PLXDC2: variants seen among roughly 807,000 people sequenced by gnomAD.
PLXDC2 encodes the protein plexin domain containing 2.
A neutral mutation model predicts 68.9 loss-of-function variants in PLXDC2; 40 were observed. That is an observed-to-expected ratio of 0.58 (90% CI 0.45 to 0.76). The LOEUF is 0.76. PLXDC2 is among the 30% of genes least tolerant of loss of function. The probability of loss-of-function intolerance (pLI) is 0.00; values close to 1 mark genes in which losing one functional copy is unlikely to be tolerated. For missense variants in PLXDC2, 644 were observed against 661.9 expected, an observed-to-expected ratio of 0.97 and a Z score of 0.30; for synonymous variants, 243 against 234.2, an observed-to-expected ratio of 1.04 and a Z score of -0.34.
intron 9 of PLXDC2, among the ~76,000 whole-genome samples, chr10:20,194,891 G>A (rs945346843): frequency 6.7e-6 from 1 of 149,036 alleles, no homozygotes; most frequent in Non-Finnish European, 1.5e-5. Flanking sequence ...CTATTATGTG[G>A]CATTATACTC....
chr10:20,049,988 G>A (rs1028428466), intron 3 of PLXDC2, among the ~76,000 whole-genome samples: 5 of 152,140 alleles, frequency 3.3e-5, no homozygotes, highest in African/African-American at 9.7e-5. Flanking sequence ...AACCAAAACA[G>A]CATGTTACTG....
chr10:19,965,382 C>A (rs753855584), intron 1 of PLXDC2, among the ~76,000 whole-genome samples: 1 of 152,052 alleles, frequency 6.6e-6, no homozygotes, highest in Non-Finnish European at 1.5e-5. Context: ...TTTTTGGTGG[C>A]GGTAGGTACT....
At chr10:20,058,961 G>A (rs1246886085) in intron 3 of PLXDC2, among the ~76,000 whole-genome samples, 1 of 152,138 alleles carries the variant, frequency 6.6e-6, no homozygotes, top group Non-Finnish European at 1.5e-5. Flanking sequence ...TGGTTTTGGA[G>A]TTTCAAAGGC....
At chr10:20,108,583 T>A (rs1202982703) in intron 4 of PLXDC2, among the ~76,000 whole-genome samples, 1 of 152,130 alleles carries the variant, frequency 6.6e-6, no homozygotes, top group Non-Finnish European at 1.5e-5. Flanking sequence ...TAAGGTAAAA[T>A]CATATAATGG....
intron 1 of PLXDC2, among the ~76,000 whole-genome samples, chr10:19,819,611 G>A (rs77788599): frequency 0.015 from 2,353 of 152,286 alleles, 62 homozygotes; most frequent in African/African-American, 0.053. Context: ...TTTAGTAAAT[G>A]CTGCAGTTGA....
intron 1 of PLXDC2, among the ~76,000 whole-genome samples, chr10:19,821,404 G>A (rs180777737): frequency 6.6e-6 from 1 of 152,328 alleles, no homozygotes; most frequent in African/African-American, 2.4e-5. Context: ...AGGACGTGTT[G>A]TCTTAGAATT....
In PLXDC2 at chr10:19,816,743, A is replaced by C; in HGVS notation, c.-337A>C. 1 of 418,236 alleles carries C rather than the reference A, an allele frequency of 2.4e-6. No homozygotes were observed. The highest frequency in any genetic ancestry group is 4.7e-5 in the East Asian group (1 of 21,394). The allele number at this position is 418,236 out of a possible 1,614,324, so 25.9% of individuals were successfully genotyped here. Reference sequence around the variant, plus strand: ...GGCTCGGAAGTCACCGTCCGCGGGCACCGGGTTGGCGCTGCCCGAGTGGAA... The same window carrying C: ...GGCTCGGAAGTCACCGTCCGCGGGCCCCGGGTTGGCGCTGCCCGAGTGGAA... On this transcript the variant is annotated 5_prime_UTR_variant, in exon 1 of 14. Coordinates refer to ENST00000377252, the MANE Select transcript of PLXDC2 (RefSeq NM_032812.9).
intron 2 of PLXDC2, among the ~76,000 whole-genome samples, chr10:20,045,076 A>G (rs934012788): frequency 1.3e-5 from 2 of 152,118 alleles, no homozygotes; most frequent in Non-Finnish European, 2.9e-5. Flanking sequence ...CTTTCTTTAC[A>G]TCTACTTTGT....
At chr10:19,840,390 T>C (rs530629907) in intron 1 of PLXDC2, among the ~76,000 whole-genome samples, 48 of 152,274 alleles carry the variant, frequency 3.2e-4, no homozygotes, top group African/African-American at 1.1e-3. Flanking sequence ...GTCCAATCTC[T>C]TCATTTTACA....
rs570399873 is a variant in PLXDC2, at chr10:20,092,828, T to C, written c.541+24589T>C. Among the ~76,000 whole-genome samples, 4 of 151,940 alleles carry C rather than the reference T, an allele frequency of 2.6e-5. No individual in the cohort carries two copies. The South Asian group carries it at 8.3e-4, about 32-fold the overall frequency. On this transcript the variant is annotated intron_variant, in intron 4 of 13. Coordinates refer to ENST00000377252, the MANE Select transcript of PLXDC2 (RefSeq NM_032812.9). Reference sequence around the variant, plus strand: ...TTACAAGCAGAACAAGAGGAAGCAATGCAACCACGGGGAAAGAGATCAGAG... The same window carrying C: ...TTACAAGCAGAACAAGAGGAAGCAACGCAACCACGGGGAAAGAGATCAGAG...
intron 4 of PLXDC2, among the ~76,000 whole-genome samples, chr10:20,072,400 GAAGA>G (rs1275164465): frequency 3.0e-5 from 4 of 131,962 alleles, no homozygotes; most frequent in South Asian, 2.5e-4. Context: ...AGGAAAGAAA[GAAGA>G]AAGAAAGAGG....
chr10:19,874,990 C>T (rs1047512143), intron 1 of PLXDC2, among the ~76,000 whole-genome samples: 1 of 152,122 alleles, frequency 6.6e-6, no homozygotes, highest in Non-Finnish European at 1.5e-5. Context: ...TAGAGGAAAC[C>T]TCGTCATGGG....
At chr10:20,125,695 C>G (rs768922117) in intron 4 of PLXDC2, among the ~76,000 whole-genome samples, 1 of 151,972 alleles carries the variant, frequency 6.6e-6, no homozygotes, top group African/African-American at 2.4e-5. Context: ...GTGCAATGCT[C>G]CTTATATTTG....
At chr10:20,209,336 T>A (rs1299424964) in intron 9 of PLXDC2, among the ~76,000 whole-genome samples, 2 of 101,342 alleles carry the variant, frequency 2.0e-5, no homozygotes, top group African/African-American at 5.9e-5. Flanking sequence ...AGGAAAACAA[T>A]GAGAACCTGT....
At position 20,283,104 on chromosome 10, in the gene PLXDC2, C is replaced by T. The variant is rs183641605; in HGVS notation, c.*3285C>T. On this transcript the variant is annotated 3_prime_UTR_variant, in exon 14 of 14. Coordinates refer to ENST00000377252, the MANE Select transcript of PLXDC2 (RefSeq NM_032812.9). The stretch of plus-strand genomic sequence containing the variant: ...GACAATGCTGTGTTTCATTTGAATT[C>T]GTTGTCCTTGAAGAAAAGGGAAGAA... The T allele has an allele frequency of 6.6e-5, 10 of 152,188 alleles. No homozygotes were observed. Among genetic ancestry groups the T allele is most frequent in the East Asian group, 3.9e-4 (2 of 5,174 alleles). 9.4% of individuals were successfully genotyped at this position (152,188 alleles called of 1,614,324 possible). A position where few individuals can be genotyped will look rare whatever the true frequency, so the allele number is the denominator to read the frequency against.
chr10:19,957,930 C>T (rs1834097328), intron 1 of PLXDC2, among the ~76,000 whole-genome samples: 1 of 151,998 alleles, frequency 6.6e-6, no homozygotes, highest in Non-Finnish European at 1.5e-5. Context: ...TTAGGTGCTA[C>T]CAGAAAGATT....
intron 4 of PLXDC2, among the ~76,000 whole-genome samples, chr10:20,083,975 A>G (rs1424338730): frequency 6.6e-6 from 1 of 152,238 alleles, no homozygotes; most frequent in Non-Finnish European, 1.5e-5. Flanking sequence ...TAATTAACCA[A>G]TACATATTTT....
chr10:19,947,383 C>T (rs912893558), intron 1 of PLXDC2, among the ~76,000 whole-genome samples: 16 of 152,178 alleles, frequency 1.1e-4, no homozygotes, highest in African/African-American at 3.6e-4. Flanking sequence ...GACTCAGAGC[C>T]CAGGCTATCA....
intron 2 of PLXDC2, among the ~76,000 whole-genome samples, chr10:20,022,463 C>G (rs905803432): frequency 1.3e-5 from 2 of 152,164 alleles, no homozygotes; most frequent in Non-Finnish European, 2.9e-5. Flanking sequence ...AGGCTGAGGT[C>G]AGAACCCAGA....
Sources: gnomAD v4.1 joint callset for allele counts (sites outside exome capture counted in the v4.1 genomes callset) on GRCh38, gnomAD v4.1.1 for gene constraint, MANE v1.5 for transcripts, NCBI Gene and HGNC (gene_info 2026-07-23, HGNC 2026-07-21) for gene names.